CHIC2: variants seen among roughly 807,000 people sequenced by gnomAD.
CHIC2 encodes the protein cysteine rich hydrophobic domain 2, also known as cysteine-rich hydrophobic domain-containing protein 2.
Under a neutral mutation model 25.9 loss-of-function variants are expected in CHIC2, and 14 were observed. The ratio of observed to expected loss-of-function variants is 0.54; its 90% CI spans 0.36 to 0.85. The LOEUF (loss-of-function observed/expected upper bound fraction) is 0.85, where lower values mean the gene tolerates loss of function less well. Ranked by LOEUF, CHIC2 falls within the 40% of genes least tolerant of loss-of-function variation. The pLI is 0.01. For missense variants in CHIC2, 146 were observed against 202.0 expected (o/e 0.72, Z 1.68); for synonymous variants, 70 against 72.0 (o/e 0.97, Z 0.14).
At chr4:54,040,973 AT>A (rs112593395) in intron 3 of CHIC2, among the ~76,000 whole-genome samples, 5,279 of 139,338 alleles carry the variant, frequency 0.038, 172 homozygotes, top group African/African-American at 0.097. Flanking sequence ...TTGGGGATAG[AT>A]TTTTTTTTTT....
chr4:54,090,795 G>A, the CHIC2 span, among the ~76,000 whole-genome samples: 1 of 152,090 alleles, frequency 6.6e-6, no homozygotes, highest in East Asian at 1.9e-4. Context: ...AAAGGGTGAG[G>A]TTGGGTTGGA....
chr4:54,013,841 T>G lies in CHIC2; in HGVS notation c.443A>C (p.Glu148Ala). The change falls in exon 5 of 6, where the codon GAA becomes GCA. Residue 148 changes from glutamate to alanine, a missense_variant. Transcript: ENST00000263921. Reference protein sequence around the residue: ...KRKCETNNMMEYVILIEFLPK... With the variant: ...KRKCETNNMMAYVILIEFLPK... Reference sequence around the variant, plus strand: ...CAAAACAGCCCTTTAACTTACATATTCCATCATGTTATTCGTTTCACATTT... The same window carrying G: ...CAAAACAGCCCTTTAACTTACATATGCCATCATGTTATTCGTTTCACATTT... 1.2e-6 allele frequency: 2 copies of G among 1,613,086 alleles called. No individual in the cohort carries two copies. Among genetic ancestry groups the G allele is most frequent in the Non-Finnish European group, 1.7e-6 (2 of 1,179,256 alleles).
the CHIC2 span, chr4:54,087,817 T>G: frequency 5.1e-6 from 2 of 395,814 alleles, no homozygotes; most frequent in African/African-American, 4.1e-5. Context: ...GTTATTTCCC[T>G]GAGATCTGGA....
chr4:54,075,551 ATT>A, the CHIC2 span, among the ~76,000 whole-genome samples: 16 of 152,252 alleles, frequency 1.1e-4, no homozygotes, highest in South Asian at 2.9e-3. Flanking sequence ...AAAAATATTT[ATT>A]TATTTTTATT....
At chr4:54,026,565 G>A (rs760156907) in intron 3 of CHIC2, among the ~76,000 whole-genome samples, 2 of 152,046 alleles carry the variant, frequency 1.3e-5, no homozygotes, top group Non-Finnish European at 2.9e-5. Context: ...TTACAGATAT[G>A]TTATGGATAT....
Position 54,064,566 on chromosome 4 carries a change from C to T in CHIC2, c.-266G>A, listed in dbSNP as rs1043266183. 8 of 1,272,764 alleles carry T rather than the reference C, an allele frequency of 6.3e-6. No individual in the cohort carries two copies. The highest frequency in any genetic ancestry group is 3.8e-5 in the East Asian group (1 of 26,506). 78.8% of individuals were successfully genotyped at this position (1,272,764 alleles called of 1,614,324 possible). ...AGGCCGACACCTCCACAAGCACAGA[C>T]GCCGCTGCCGCCGCCGCAGCAGCAG... On this transcript the variant is annotated 5_prime_UTR_variant, in exon 1 of 6. Coordinates refer to ENST00000263921, the MANE Select transcript of CHIC2 (RefSeq NM_012110.4). This position sits in a 1 kb window ranked among gnomAD's most constrained non-coding sequence, Gnocchi z 4.2.
chr4:54,084,249 A>G, the CHIC2 span, among the ~76,000 whole-genome samples: 3 of 152,196 alleles, frequency 2.0e-5, no homozygotes, highest in African/African-American at 7.2e-5. Flanking sequence ...ATGGTGAATT[A>G]AACTAAATTG....
chr4:54,026,000 C>G (rs902990264), intron 3 of CHIC2, among the ~76,000 whole-genome samples: 21 of 152,056 alleles, frequency 1.4e-4, no homozygotes, highest in Admixed American at 1.4e-3. Context: ...GGGTCTGATC[C>G]CATGTTGTGT....
At chr4:54,072,669 C>CTGGA in the CHIC2 span, among the ~76,000 whole-genome samples, 1 of 152,224 alleles carries the variant, frequency 6.6e-6, no homozygotes, top group African/African-American at 2.4e-5. Context: ...TGACTATTGC[C>CTGGA]TGGAATCCAA....
the CHIC2 span, among the ~76,000 whole-genome samples, chr4:54,074,895 C>A: frequency 1.1e-3 from 175 of 152,208 alleles, no homozygotes; most frequent in African/African-American, 3.9e-3. Flanking sequence ...ATTGTTTGAG[C>A]CCAGGAGTTC....
chr4:54,090,195 A>C, the CHIC2 span, among the ~76,000 whole-genome samples: 1 of 151,842 alleles, frequency 6.6e-6, no homozygotes, highest in African/African-American at 2.4e-5. Flanking sequence ...TTTTATATAT[A>C]TATATTTTTT....
At chr4:54,086,459 C>A in the CHIC2 span, among the ~76,000 whole-genome samples, 1 of 152,162 alleles carries the variant, frequency 6.6e-6, no homozygotes, top group Non-Finnish European at 1.5e-5. Flanking sequence ...TAATGGCCCT[C>A]TTCTCATAGG....
At chr4:54,091,325 G>A in the CHIC2 span, among the ~76,000 whole-genome samples, 2 of 152,166 alleles carry the variant, frequency 1.3e-5, no homozygotes, top group African/African-American at 2.4e-5. Context: ...TGCGCCCGTA[G>A]CGCACCCCAC....
At chr4:54,057,035 T>C (rs1363573050) in intron 1 of CHIC2, among the ~76,000 whole-genome samples, 1 of 152,016 alleles carries the variant, frequency 6.6e-6, no homozygotes, top group African/African-American at 2.4e-5. Flanking sequence ...CAGTGAACAG[T>C]AAGGGTAGCC....
Position 54,009,790 on chromosome 4 carries a change from T to G in CHIC2, c.*305A>C. ...GACAAAATAAAAAAGGCTGGCCACT[T>G]TTTATGCTAAGTTCAAATGTATTTT... On this transcript the variant is annotated 3_prime_UTR_variant, in exon 6 of 6. Coordinates refer to ENST00000263921, the MANE Select transcript of CHIC2 (RefSeq NM_012110.4). 1 of 254,830 alleles carries G rather than the reference T, an allele frequency of 3.9e-6. No homozygotes were observed. The highest frequency in any genetic ancestry group is 7.5e-6 in the Non-Finnish European group (1 of 133,136). 15.8% of individuals were successfully genotyped at this position (254,830 alleles called of 1,614,324 possible).
intron 3 of CHIC2, among the ~76,000 whole-genome samples, chr4:54,043,379 C>T (rs1445302108): frequency 6.7e-6 from 1 of 150,020 alleles, no homozygotes; most frequent in Non-Finnish European, 1.5e-5. Flanking sequence ...AGAGATCATG[C>T]CACTGCACTC....
At chr4:54,024,881 T>C (rs1421678020) in intron 3 of CHIC2, among the ~76,000 whole-genome samples, 1 of 152,154 alleles carries the variant, frequency 6.6e-6, no homozygotes, top group Admixed American at 6.5e-5. Context: ...CCAATCATTC[T>C]ATATGACAAA....
intron 3 of CHIC2, among the ~76,000 whole-genome samples, chr4:54,026,951 G>T (rs1255003938): frequency 6.6e-6 from 1 of 152,078 alleles, no homozygotes; most frequent in African/African-American, 2.4e-5. Context: ...CTTTTTTACA[G>T]ATATTATCCT....
chr4:54,070,422 T>G, the CHIC2 span, among the ~76,000 whole-genome samples: 4 of 151,548 alleles, frequency 2.6e-5, no homozygotes, highest in East Asian at 1.9e-4. Flanking sequence ...ATTTATGTAT[T>G]TATTTATTTA....
Sources: gnomAD v4.1 joint callset for allele counts (sites outside exome capture counted in the v4.1 genomes callset) on GRCh38, gnomAD v4.1.1 for gene constraint, Gnocchi (gnomAD v3.1) non-coding constraint, MANE v1.5 for transcripts, NCBI Gene and HGNC (gene_info 2026-07-23, HGNC 2026-07-21) for gene names.